Variants in GREP1 observed in about 807,000 individuals in gnomAD.
GREP1 encodes the protein glycine rich extracellular protein 1.
rs954141103 is a variant in GREP1 at position 2,998,393 on chromosome 16, G to C, written c.982+5G>C. On this transcript the variant is annotated splice_donor_5th_base_variant and intron_variant, in intron 24 of 34. Coordinates refer to ENST00000573315, the Ensembl canonical transcript of GREP1. ...CCTTGAAGCCTCAGAAGTCAGGTGA[G>C]TGGGGGACCCCTGGCTCTGCCCCAC... 10 of 399,190 alleles carry C rather than the reference G, an allele frequency of 2.5e-5. No individual in the cohort carries two copies. Among genetic ancestry groups the C allele is most frequent in the Non-Finnish European group, 4.4e-5 (10 of 226,274 alleles). The allele number at this position is 399,190 out of a possible 1,614,324, so 24.7% of individuals were successfully genotyped here. A position where few individuals can be genotyped will look rare whatever the true frequency, so the allele number is the denominator to read the frequency against.
In GREP1 at chr16:2,992,851, C is replaced by T. The variant is rs947445333; in HGVS notation, c.352+17C>T. 13 of 399,058 alleles carry T rather than the reference C, an allele frequency of 3.3e-5. No individual in the cohort carries two copies. Among genetic ancestry groups the T allele is most frequent in the Admixed American group, 8.8e-5 (2 of 22,730 alleles). 24.7% of individuals were successfully genotyped at this position (399,058 alleles called of 1,614,324 possible). A position where few individuals can be genotyped will look rare whatever the true frequency, so the allele number is the denominator to read the frequency against. On this transcript the variant is annotated intron_variant, in intron 9 of 34. Transcript: ENST00000573315. The surrounding 1 kb of genome is among the most constrained non-coding windows in gnomAD (Gnocchi z 4.9). ...TTGGACCAGGTAAAGAGGGTGGGGACGGAAGCGGGGAGCCTGGGGCTGAGA... is the reference window on the plus strand; with the variant it reads ...TTGGACCAGGTAAAGAGGGTGGGGATGGAAGCGGGGAGCCTGGGGCTGAGA...
chr16:2,999,523 C>T (rs1332653290), intron 27 of GREP1, among the ~76,000 whole-genome samples: 3 of 136,866 alleles, frequency 2.2e-5, no homozygotes, highest in East Asian at 4.2e-4. Flanking sequence ...CTCGCTCTGT[C>T]GCCCAGGCTG....
At chr16:3,000,339 G>A (rs2151114066) in exon 30 of GREP1, 4 of 399,296 alleles carry the variant, frequency 1.0e-5, no homozygotes, top group Non-Finnish European at 1.8e-5. Flanking sequence ...CTTCCCCGAG[G>A]CCCACCCACA....
chr16:2,995,789 T>A lies in GREP1; in HGVS notation c.622+18T>A, dbSNP rs1450312832. 1 of 398,544 alleles carries A rather than the reference T, an allele frequency of 2.5e-6. No homozygotes were observed. Among genetic ancestry groups the A allele is most frequent in the Admixed American group, 4.4e-5 (1 of 22,714 alleles). The allele number at this position is 398,544 out of a possible 1,614,324, so 24.7% of individuals were successfully genotyped here. A position where few individuals can be genotyped will look rare whatever the true frequency, so the allele number is the denominator to read the frequency against. Reference sequence around the variant, plus strand: ...GAAGCCAGGTGAGCCCCGCCCGCCCTGGTCTGCCTCTCTATGCACGAACCC... The same window carrying A: ...GAAGCCAGGTGAGCCCCGCCCGCCCAGGTCTGCCTCTCTATGCACGAACCC... On this transcript the variant is annotated intron_variant, in intron 17 of 34. Coordinates refer to ENST00000573315, the Ensembl canonical transcript of GREP1.
exon 35 of GREP1, chr16:3,002,000 G>T: frequency 5.6e-6 from 1 of 180,146 alleles, no homozygotes; most frequent in Admixed American, 6.2e-5. Context: ...TATTAAAGTT[G>T]TTAGATAAAA....
At chr16:2,993,021 C>T in intron 10 of GREP1, 58 bp downstream of exon 11, 1 of 398,678 alleles carries the variant, frequency 2.5e-6, no homozygotes, top group Non-Finnish European at 4.4e-6. Context: ...GCCGCTGCTT[C>T]CCTAGAGTCC....
chr16:3,001,592 G>C (rs1046745050), exon 35 of GREP1: 1 of 399,140 alleles, frequency 2.5e-6, no homozygotes, highest in African/African-American at 2.1e-5. Context: ...GCTGAGCACT[G>C]CAATGCCCCT....
In GREP1 at chr16:2,991,345, C is replaced by T. The variant is rs977316506; in HGVS notation, c.322+244C>T. 9.8e-5 allele frequency: 37 copies of T among 378,868 alleles called. No homozygotes were observed. The highest frequency in any genetic ancestry group is 1.4e-4 in the Non-Finnish European group (31 of 214,306). 23.5% of individuals were successfully genotyped at this position (378,868 alleles called of 1,614,324 possible). ...CTGGGTCCCTCAAGCCTGCCCACCC[C>T]ACCGCTCATGGCCCTCACCAATGTC... is the stretch of plus-strand genomic sequence containing the variant. On this transcript the variant is annotated intron_variant, in intron 8 of 34. Coordinates refer to ENST00000573315, the Ensembl canonical transcript of GREP1. This position sits in a 1 kb window ranked among gnomAD's most constrained non-coding sequence, Gnocchi z 4.9.
At chr16:3,000,118 G>A (rs1351676151) in exon 29 of GREP1, 3 of 398,978 alleles carry the variant, frequency 7.5e-6, no homozygotes, top group East Asian at 7.1e-5. Context: ...ACAGAAAATT[G>A]GTGAGTCCTC....
chr16:2,998,266 G>C (rs2072437399), intron 23 of GREP1, 90 bp from the exon 22 acceptor site: 1 of 398,602 alleles, frequency 2.5e-6, no homozygotes, highest in Non-Finnish European at 4.4e-6. Context: ...TGAAAAGACG[G>C]GGCTAGGGGG....
intron 20 of GREP1, 163 bp from the exon 20 acceptor site, chr16:2,996,890 G>C (rs1279826334): frequency 7.5e-6 from 3 of 399,234 alleles, no homozygotes; most frequent in East Asian, 7.1e-5. Context: ...CCTGGCCCCT[G>C]CCTCCCTGTC....
chr16:3,000,538 C>T (rs1043353428), intron 31 of GREP1, 176 bp from the exon 27 acceptor site: 3 of 399,124 alleles, frequency 7.5e-6, no homozygotes, highest in Non-Finnish European at 8.8e-6. Context: ...GCGGGAATGA[C>T]CAGAGTCTCT....
rs1003933263 is a variant in GREP1, at chr16:2,989,623, C to T, written c.130+71C>T. The stretch of plus-strand genomic sequence containing the variant: ...GGGCAGGGGGGAGGCAGGACAGGAA[C>T]AGGGAAAGCTGGGCGGGGGGCAGGT... On this transcript the variant is annotated intron_variant, in intron 3 of 34. Transcript: ENST00000573315. The surrounding 1 kb of genome is among the most constrained non-coding windows in gnomAD (Gnocchi z 4.2). 3 of 395,532 alleles carry T rather than the reference C, an allele frequency of 7.6e-6. No individual in the cohort carries two copies. Among genetic ancestry groups the T allele is most frequent in the East Asian group, 3.6e-5 (1 of 27,964 alleles). 24.5% of individuals were successfully genotyped at this position (395,532 alleles called of 1,614,324 possible). A position where few individuals can be genotyped will look rare whatever the true frequency, so the allele number is the denominator to read the frequency against.
intron 5 of GREP1, 163 bp downstream of exon 5, chr16:2,990,285 G>A: frequency 2.5e-6 from 1 of 398,002 alleles, no homozygotes. Flanking sequence ...CACCTCAGCT[G>A]GGACCCCAAA....
At chr16:2,999,479 CTTTTTTTTTTT>C (rs35368761) in intron 27 of GREP1, among the ~76,000 whole-genome samples, 5 of 75,502 alleles carry the variant, frequency 6.6e-5, no homozygotes, top group South Asian at 1.2e-3. Context: ...CCCTCTTGCT[CTTTTTTTTTTT>C]TTTTTTTTTT....
chr16:2,995,979 C>A, intron 18 of GREP1: 1 of 394,708 alleles, frequency 2.5e-6, no homozygotes, highest in Non-Finnish European at 4.5e-6. Context: ...GTCGCCCAGG[C>A]TGGAGTGCAG....
exon 34 of GREP1, chr16:3,001,312 C>A (rs1262578107): frequency 5.0e-6 from 2 of 399,064 alleles, no homozygotes; most frequent in Non-Finnish European, 8.8e-6. Context: ...GCAGCAATGG[C>A]CAGCTGGGGA....
intron 26 of GREP1, 111 bp downstream of exon 24, chr16:2,999,090 G>C (rs1831654417): frequency 2.5e-6 from 1 of 398,606 alleles, no homozygotes; most frequent in Non-Finnish European, 4.4e-6. Context: ...GGCTCAGAGA[G>C]GGCAGTGACT....
rs1265007420 is a variant in GREP1 at position 2,999,798 on chromosome 16, GAA to G, written c.1190-101_1190-100del. On this transcript the variant is annotated intron_variant, in intron 27 of 34. Transcript: ENST00000573315. ...TTCTGGTTCCATTCCCTGTGGACAG[GAA>G]AAGTCTCTGCTTCCCCTTCAGAGTC... 20 of 398,534 alleles carry G rather than the reference GAA, an allele frequency of 5.0e-5. No individual in the cohort carries two copies. In the Admixed American group the frequency reaches 8.8e-4, roughly 18 times the overall value. 24.7% of individuals were successfully genotyped at this position (398,534 alleles called of 1,614,324 possible). A position where few individuals can be genotyped will look rare whatever the true frequency, so the allele number is the denominator to read the frequency against.
Sources: allele counts gnomAD v4.1 joint callset (sites outside exome capture counted in the v4.1 genomes callset), GRCh38; gene constraint gnomAD v4.1.1; non-coding constraint Gnocchi (gnomAD v3.1); transcripts MANE v1.5; gene names NCBI Gene and HGNC (gene_info 2026-07-23, HGNC 2026-07-21).